Variants in THOC2 observed in about 807,000 individuals in gnomAD.
The protein encoded by THOC2 is THO complex 2.
THOC2 carries 10 observed loss-of-function variants against 128.4 expected under a neutral mutation model. The ratio of observed to expected loss-of-function variants is 0.08; its 90% CI spans 0.05 to 0.13. THOC2 has a LOEUF of 0.13. THOC2 is among the 10% of genes least tolerant of loss of function. THOC2 has a pLI of 1.00. For synonymous variants in THOC2, 393 were observed against 396.9 expected, an observed-to-expected ratio of 0.99 and a Z score of 0.12; for missense variants, 535 against 1,155.7, an observed-to-expected ratio of 0.46 and a Z score of 7.79.
At chrX:123,674,251 T>C (rs779102473) in intron 8 of THOC2, among the ~76,000 whole-genome samples, 3 of 112,053 alleles carry the variant, frequency 2.7e-5, no homozygotes, top group Non-Finnish European at 5.6e-5. Flanking sequence ...GGCTCTGTTG[T>C]TTGGTACAGG....
At chrX:123,629,791 G>A (rs1258886543) in intron 22 of THOC2, among the ~76,000 whole-genome samples, 1 of 111,601 alleles carries the variant, frequency 9.0e-6, no homozygotes, top group Non-Finnish European at 1.9e-5. Flanking sequence ...TAACTAATAT[G>A]AATCTAGATG....
intron 12 of THOC2, among the ~76,000 whole-genome samples, chrX:123,649,329 A>G (rs376532945): frequency 8.0e-5 from 9 of 111,915 alleles, no homozygotes; most frequent in African/African-American, 2.9e-4. Context: ...AAAGGTAGAT[A>G]AATCCATGAA....
chrX:123,699,654 G>A (rs936012752), intron 4 of THOC2, among the ~76,000 whole-genome samples: 3 of 110,869 alleles, frequency 2.7e-5, no homozygotes, highest in Non-Finnish European at 3.8e-5. Context: ...ACCTCTCAAG[G>A]TCCCTAAGAA....
At chrX:123,682,074 G>A (rs2049811575) in intron 8 of THOC2, among the ~76,000 whole-genome samples, 1 of 111,883 alleles carries the variant, frequency 8.9e-6, no homozygotes, top group South Asian at 3.7e-4. Context: ...AGAAAAAAAA[G>A]GAAAATGCCC....
chrX:123,699,225 T>C (rs1463744485), intron 4 of THOC2, among the ~76,000 whole-genome samples: 1 of 111,891 alleles, frequency 8.9e-6, no homozygotes, highest in Non-Finnish European at 1.9e-5. Flanking sequence ...TAATAAAAAT[T>C]GTCATCTACA....
At position 123,626,677 on chromosome X, in the gene THOC2, A is replaced by T; in HGVS notation, c.2758-15T>A. On this transcript the variant is annotated splice_polypyrimidine_tract_variant and intron_variant, in intron 23 of 38. Coordinates refer to ENST00000245838, the MANE Select transcript of THOC2 (RefSeq NM_001081550.2). Reference sequence around the variant, plus strand: ...TTATTTGGGGGCTACAAAGAATTCAATTAGACACTTTTCTAACTATATGCA... The same window carrying T: ...TTATTTGGGGGCTACAAAGAATTCATTTAGACACTTTTCTAACTATATGCA... 1 of 1,179,805 alleles carries T rather than the reference A, an allele frequency of 8.5e-7. No individual in the cohort carries two copies. The highest frequency in any genetic ancestry group is 1.8e-5 in the African/African-American group (1 of 55,635).
chrX:123,697,074 A>G (rs904224200), intron 5 of THOC2, among the ~76,000 whole-genome samples: 11 of 112,319 alleles, frequency 9.8e-5, no homozygotes, highest in African/African-American at 3.6e-4. Flanking sequence ...TGCATGTTGT[A>G]TACTGCCTAT....
At chrX:123,717,736 A>T (rs1482727952) in intron 1 of THOC2, among the ~76,000 whole-genome samples, 1 of 111,263 alleles carries the variant, frequency 9.0e-6, no homozygotes, top group Admixed American at 9.6e-5. Flanking sequence ...TCCTGAACAA[A>T]AAGAAAAAAG....
chrX:123,666,490 G>C (rs1246608634), intron 11 of THOC2, among the ~76,000 whole-genome samples: 1 of 111,397 alleles, frequency 9.0e-6, no homozygotes, highest in Non-Finnish European at 1.9e-5. Context: ...GCAGCAACCA[G>C]CAGCTACACA....
In THOC2 at chrX:123,659,525, T is replaced by G. The variant is rs1030223486; in HGVS notation, c.1386+6117A>C. On this transcript the variant is annotated intron_variant, in intron 12 of 38. Transcript: ENST00000245838. ...GGCGGAGGTTGCAGTGAGCCGAGGTTGCGCCACTGCACTCCAGCCTGGCAA... is the reference window on the plus strand; with the variant it reads ...GGCGGAGGTTGCAGTGAGCCGAGGTGGCGCCACTGCACTCCAGCCTGGCAA... 5.4e-5 allele frequency among the ~76,000 whole-genome samples: 6 copies of G among 111,680 alleles called. No individual in the cohort carries two copies. In the East Asian group the frequency reaches 1.7e-3, roughly 31 times the overall value.
intron 1 of THOC2, among the ~76,000 whole-genome samples, chrX:123,725,356 G>A (rs1199079858): frequency 9.5e-6 from 1 of 105,767 alleles, no homozygotes; most frequent in East Asian, 3.0e-4. Flanking sequence ...GGCCGAAGTG[G>A]GAGGATCACT....
In THOC2 at chrX:123,665,909, CACT is replaced by C. The variant is rs920151669; in HGVS notation, c.1191-75_1191-73del. 2.1e-5 allele frequency: 12 copies of C among 576,593 alleles called. No individual in the cohort carries two copies. The African/African-American group carries it at 2.6e-4, about 13-fold the overall frequency. The allele number at this position is 576,593 out of a possible 1,213,427, so 47.5% of individuals were successfully genotyped here. ...TAATAAATATAACTATATACACACA[CACT>C]ACAATATCTACCATTTTAACAAAGT... On this transcript the variant is annotated intron_variant, in intron 11 of 38. Coordinates refer to ENST00000245838, the MANE Select transcript of THOC2 (RefSeq NM_001081550.2).
rs1251933183 is a variant in THOC2 at position 123,697,709 on chromosome X, T to C, written c.317A>G (p.Tyr106Cys). 3 of 1,105,615 alleles carry C rather than the reference T, an allele frequency of 2.7e-6. No individual in the cohort carries two copies. Among genetic ancestry groups the C allele is most frequent in the African/African-American group, 3.6e-5 (2 of 55,718 alleles). The allele number at this position is 1,105,615 out of a possible 1,213,427, so 91.1% of individuals were successfully genotyped here. Residue 106 changes from tyrosine (Y) to cysteine (C), a missense_variant, in exon 5 of 39, where the codon TAT (tyrosine) becomes TGT (cysteine). By Grantham distance (194) the Tyr-to-Cys change is radical. This residue lies in a region of THOC2 where 61 missense variants were observed against 84.3 expected (regional missense o/e 0.72). Transcript: ENST00000245838. ...ACATGCTAATACCAACTGTGTAAAA[T>C]AGTCTCTCTTGCTTTTTTCTTCTAA... The part of the protein sequence containing the change: ...NCLEEKSKRD[Y>C]FTQLVLACLY...
At chrX:123,626,433 C>T in intron 24 of THOC2, 88 bp downstream of exon 24, 1 of 962,452 alleles carries the variant, frequency 1.0e-6, no homozygotes. Flanking sequence ...GAAATACAAA[C>T]ATAATACACT....
At chrX:123,665,939 A>T (rs1378157049) in intron 11 of THOC2, 102 bp from the exon 12 acceptor site, 1 of 494,598 alleles carries the variant, frequency 2.0e-6, no homozygotes, top group East Asian at 5.1e-5. Context: ...TAACAAAGTT[A>T]TCTTAATCAG....
At chrX:123,696,669 C>A in intron 6 of THOC2, 52 bp downstream of exon 6, 1 of 1,134,705 alleles carries the variant, frequency 8.8e-7, no homozygotes, top group Non-Finnish European at 1.2e-6. Context: ...AAAATATGAA[C>A]GAAAAAACAT....
Position 123,665,845 on chromosome X carries a change from A to T in THOC2, c.1191-8T>A, listed in dbSNP as rs759309616. 23 of 1,021,500 alleles carry T rather than the reference A, an allele frequency of 2.3e-5. No homozygotes were observed. The South Asian group carries it at 5.5e-4, about 24-fold the overall frequency. 84.2% of individuals were successfully genotyped at this position (1,021,500 alleles called of 1,213,427 possible). A position where few individuals can be genotyped will look rare whatever the true frequency, so the allele number is the denominator to read the frequency against. ...CCTTTAGGAACTCCAACTCTATTTT[A>T]AAAAGTAAAATAAATAAATAAACAA... On this transcript the variant is annotated splice_region_variant and splice_polypyrimidine_tract_variant and intron_variant, in intron 11 of 38. Coordinates refer to ENST00000245838, the MANE Select transcript of THOC2 (RefSeq NM_001081550.2).
chrX:123,680,315 A>G (rs2049710557), intron 8 of THOC2, among the ~76,000 whole-genome samples: 1 of 111,890 alleles, frequency 8.9e-6, no homozygotes, highest in Non-Finnish European at 1.9e-5. Flanking sequence ...GTGTATACAT[A>G]TCCAAAGCAC....
chrX:123,711,745 T>C (rs1282464746), intron 2 of THOC2, among the ~76,000 whole-genome samples: 4 of 110,326 alleles, frequency 3.6e-5, no homozygotes, highest in Non-Finnish European at 7.6e-5. Context: ...ATTGCACCAA[T>C]GCACTCCAGC....
Sources: gnomAD v4.1 joint callset for allele counts (sites outside exome capture counted in the v4.1 genomes callset) on GRCh38, gnomAD v4.1.1 for gene constraint, gnomAD v4.1.1 regional missense constraint, MANE v1.5 for transcripts, NCBI Gene and HGNC (gene_info 2026-07-23, HGNC 2026-07-21) for gene names.